Variants in SESN1 observed in about 807,000 individuals in gnomAD.
The protein encoded by SESN1 is sestrin-1.
SESN1 carries 30 observed loss-of-function variants against 59.3 expected under a neutral mutation model. The observed-to-expected ratio is 0.51, with a 90% CI of 0.38 to 0.69. The LOEUF is 0.69. Among genes scored for constraint, SESN1 ranks in the 30% least tolerant of loss-of-function variants. The pLI is 0.00. For missense variants in SESN1, 566 were observed against 673.0 expected (o/e 0.84, Z 1.76); for synonymous variants, 197 against 219.9 (o/e 0.90, Z 0.92).
chr6:109,082,087 A>G (rs1294047076), intron 1 of SESN1, among the ~76,000 whole-genome samples: 19 of 152,196 alleles, frequency 1.2e-4, no homozygotes, highest in Admixed American at 1.0e-3. Context: ...TTGAAATTTA[A>G]ATGTTTATAA....
intron 1 of SESN1, among the ~76,000 whole-genome samples, chr6:109,089,674 C>T (rs997786497): frequency 5.3e-5 from 8 of 152,178 alleles, no homozygotes; most frequent in African/African-American, 1.9e-4. Context: ...AACAATTGCA[C>T]AATTCACCAA....
chr6:109,001,473 T>TC lies in SESN1; in HGVS notation c.360dup (p.Ser121GlufsTer2). Reference sequence around the variant, plus strand: ...AAAGCATGCATCTGTGCGTCTTCACTCCCCACTTGGAGGATCTGTATAAAT... The same window carrying TC: ...AAAGCATGCATCTGTGCGTCTTCACTCCCCCACTTGGAGGATCTGTATAAAT... On this transcript the variant is annotated frameshift_variant, in exon 3 of 10. Transcript: ENST00000436639. LOFTEE classifies it high-confidence loss of function. 3 of 1,613,012 alleles carry TC rather than the reference T, an allele frequency of 1.9e-6. No individual in the cohort carries two copies. The highest frequency in any genetic ancestry group is 2.5e-6 in the Non-Finnish European group (3 of 1,179,456).
chr6:109,091,211 T>C (rs1168491249), intron 1 of SESN1, among the ~76,000 whole-genome samples: 4 of 152,218 alleles, frequency 2.6e-5, no homozygotes, highest in African/African-American at 7.2e-5. Context: ...ATACTTACCA[T>C]TGCATTACAA....
In SESN1 at chr6:109,067,264, C is replaced by T. The variant is rs561351092; in HGVS notation, c.279+26531G>A. Among the ~76,000 whole-genome samples the T allele has an allele frequency of 5.9e-5, 9 of 152,262 alleles. No homozygotes were observed. In the East Asian group the frequency reaches 1.4e-3, roughly 23 times the overall value. On this transcript the variant is annotated intron_variant, in intron 1 of 9. Coordinates refer to ENST00000436639, the MANE Select transcript of SESN1 (RefSeq NM_014454.3). ...GCACAAAGGGATTGTATCACTGTCA[C>T]TGCAGGTCCTCCACACCATGACCAA...
chr6:109,039,163 G>GAGAAGAAAGAAGA (rs1220448511), intron 1 of SESN1, among the ~76,000 whole-genome samples: 2 of 151,666 alleles, frequency 1.3e-5, no homozygotes, highest in Non-Finnish European at 2.9e-5. Flanking sequence ...GGAGGAGGAG[G>GAGAAGAAAGAAGA]AGAAGAAAGA....
chr6:109,080,177 C>G (rs1176832268), intron 1 of SESN1, among the ~76,000 whole-genome samples: 2 of 152,086 alleles, frequency 1.3e-5, no homozygotes, highest in Non-Finnish European at 2.9e-5. Flanking sequence ...GGACGTTCAG[C>G]ACTGCAAACG....
chr6:109,010,100 A>G (rs1168934561), intron 1 of SESN1, among the ~76,000 whole-genome samples: 3 of 152,192 alleles, frequency 2.0e-5, no homozygotes, highest in South Asian at 2.1e-4. Context: ...TCACTCCCCT[A>G]CACAGATAAT....
chr6:109,017,793 C>T (rs1354218288), intron 1 of SESN1, among the ~76,000 whole-genome samples: 1 of 152,130 alleles, frequency 6.6e-6, no homozygotes. Flanking sequence ...TAGTTGTAAT[C>T]CCTTTAAATT....
At chr6:108,997,561 T>C (rs946231295) in intron 5 of SESN1, among the ~76,000 whole-genome samples, 16 of 152,230 alleles carry the variant, frequency 1.1e-4, no homozygotes, top group Non-Finnish European at 2.4e-4. Context: ...TGCTAAGTGC[T>C]GTACTTGGCA....
chr6:109,094,057 T>C lies in SESN1; in HGVS notation c.17A>G (p.Asn6Ser), dbSNP rs375578993. The change falls in exon 1 of 10, where the codon AAT (asparagine) becomes AGT (serine). Residue 6 changes from asparagine (N) to serine (S), a missense_variant. Asn to Ser is a conservative substitution (Grantham distance 46). Coordinates refer to ENST00000436639, the MANE Select transcript of SESN1 (RefSeq NM_014454.3). MAEGE[N>S]EVRWDGLCSR... is the part of the protein sequence containing the mutation. ...GCAGAGTCCATCCCATCTCACTTCA[T>C]TCTCTCCTTCAGCCATGACAATAGT... The C allele has an allele frequency of 6.2e-7, 1 of 1,613,476 alleles. No homozygotes were observed. Among genetic ancestry groups the C allele is most frequent in the Non-Finnish European group, 8.5e-7 (1 of 1,179,616 alleles).
intron 1 of SESN1, among the ~76,000 whole-genome samples, chr6:109,030,788 A>G (rs547172283): frequency 3.9e-5 from 6 of 152,302 alleles, no homozygotes; most frequent in Non-Finnish European, 8.8e-5. Flanking sequence ...GACTTGTACA[A>G]CTTCTTACAA....
At chr6:109,085,193 T>C (rs1308394684) in intron 1 of SESN1, among the ~76,000 whole-genome samples, 1 of 151,508 alleles carries the variant, frequency 6.6e-6, no homozygotes, top group Non-Finnish European at 1.5e-5. Context: ...AAGGATTTCA[T>C]ACCTAAATTT....
chr6:109,066,557 C>T (rs982986318), intron 1 of SESN1, among the ~76,000 whole-genome samples: 5 of 152,052 alleles, frequency 3.3e-5, no homozygotes, highest in Admixed American at 3.3e-4. Context: ...GCACTGAGAT[C>T]ATGTGATGGC....
At chr6:108,992,941 C>G (rs780195647) in intron 6 of SESN1, 42 bp from the exon 7 acceptor site, 1 of 1,322,606 alleles carries the variant, frequency 7.6e-7, no homozygotes, top group Admixed American at 1.7e-5. Context: ...AAATAGGATG[C>G]TAGTTAAAAT....
intron 1 of SESN1, among the ~76,000 whole-genome samples, chr6:109,045,927 A>G (rs886658576): frequency 1.3e-5 from 2 of 152,246 alleles, no homozygotes; most frequent in Non-Finnish European, 2.9e-5. Context: ...CTGATTGAAA[A>G]TAAGAATTTG....
At chr6:108,995,967 C>G (rs1172634278) in intron 5 of SESN1, among the ~76,000 whole-genome samples, 8 of 152,130 alleles carry the variant, frequency 5.3e-5, no homozygotes, top group Admixed American at 5.2e-4. Flanking sequence ...TCATTTACCC[C>G]ACAAGCTCCA....
At chr6:109,042,947 CA>C (rs1204807896) in intron 1 of SESN1, among the ~76,000 whole-genome samples, 1 of 151,790 alleles carries the variant, frequency 6.6e-6, no homozygotes, top group Non-Finnish European at 1.5e-5. Flanking sequence ...AAATCCTAAA[CA>C]AAATATTAGC....
At chr6:109,002,147 AATG>A in intron 2 of SESN1, 128 bp downstream of exon 2, 5 of 690,490 alleles carry the variant, frequency 7.2e-6, no homozygotes, top group Non-Finnish European at 1.3e-5. Flanking sequence ...ACTGCCAAAG[AATG>A]ATTAACTGCA....
At chr6:109,014,656 G>T (rs531723257) in intron 1 of SESN1, among the ~76,000 whole-genome samples, 31 of 152,106 alleles carry the variant, frequency 2.0e-4, no homozygotes, top group Non-Finnish European at 4.3e-4. Context: ...TTGTTTTTAA[G>T]AAATCATGGA....
Sources: allele counts gnomAD v4.1 joint callset (sites outside exome capture counted in the v4.1 genomes callset), GRCh38; gene constraint gnomAD v4.1.1; transcripts MANE v1.5; gene names NCBI Gene and HGNC (gene_info 2026-07-23, HGNC 2026-07-21).